The following JAK1 variants were observed in gnomAD, a reference collection of about 807,000 sequenced individuals.
The protein encoded by JAK1 is tyrosine-protein kinase JAK1.
JAK1 carries 16 observed loss-of-function variants against 136.6 expected under a neutral mutation model. That is an observed-to-expected ratio of 0.12 (90% CI 0.08 to 0.18). The LOEUF (loss-of-function observed/expected upper bound fraction) is 0.18. Among genes scored for constraint, JAK1 ranks in the 10% least tolerant of loss-of-function variants. JAK1 has a pLI of 1.00. For missense variants in JAK1, 859 were observed against 1,450.1 expected, an observed-to-expected ratio of 0.59 and a Z score of 6.62; for synonymous variants, 492 against 519.5, an observed-to-expected ratio of 0.95 and a Z score of 0.72.
intron 1 of JAK1, among the ~76,000 whole-genome samples, chr1:64,951,711 T>C (rs956957468): frequency 3.0e-5 from 4 of 132,406 alleles, no homozygotes; most frequent in Non-Finnish European, 6.2e-5. Context: ...CAGGCTGGAG[T>C]GCAGTGGCTC....
intron 2 of JAK1, chr1:64,990,162 G>C (rs1343159200): frequency 6.6e-6 from 1 of 152,078 alleles, no homozygotes; most frequent in Non-Finnish European, 1.5e-5. Flanking sequence ...ACAAAATTTA[G>C]CTGGGTGTGG....
chr1:64,963,135 T>C (rs1400058382), intron 1 of JAK1, among the ~76,000 whole-genome samples: 1 of 152,130 alleles, frequency 6.6e-6, no homozygotes, highest in African/African-American at 2.4e-5. Flanking sequence ...TAATGTAATT[T>C]ACCTTTACAT....
intron 2 of JAK1, chr1:65,022,930 G>A (rs1569895862): frequency 2.0e-5 from 3 of 152,156 alleles, no homozygotes; most frequent in Non-Finnish European, 4.4e-5. Flanking sequence ...TATAAATTCA[G>A]TGGATGCTTT....
intron 1 of JAK1, among the ~76,000 whole-genome samples, chr1:64,913,733 GAGGA>G (rs1282870668): frequency 3.0e-5 from 4 of 132,856 alleles, no homozygotes; most frequent in Non-Finnish European, 3.2e-5. Flanking sequence ...GGGAGGGAGG[GAGGA>G]ATTGAAAGGA....
intron 1 of JAK1, among the ~76,000 whole-genome samples, chr1:65,064,345 C>G (rs2100899567): frequency 1.3e-5 from 2 of 152,316 alleles, no homozygotes; most frequent in Middle Eastern, 6.8e-3. Context: ...GTCTCTGTCA[C>G]CTGGATTCTT....
chr1:64,939,002 G>A (rs1320997933), intron 1 of JAK1, among the ~76,000 whole-genome samples: 1 of 152,074 alleles, frequency 6.6e-6, no homozygotes, highest in Admixed American at 6.6e-5. Flanking sequence ...TTGAGACAGG[G>A]TCTCACTTTG....
intron 1 of JAK1, among the ~76,000 whole-genome samples, chr1:64,888,781 TAAACTCTTCGAGAA>T (rs2082269019): frequency 6.6e-6 from 1 of 152,204 alleles, no homozygotes; most frequent in Admixed American, 6.5e-5. Flanking sequence ...GCCTAGAGAT[TAAACTCTTCGAGAA>T]AACAAGAACA....
chr1:65,018,786 A>G (rs913514266), intron 2 of JAK1, among the ~76,000 whole-genome samples: 3 of 152,150 alleles, frequency 2.0e-5, no homozygotes, highest in Non-Finnish European at 4.4e-5. Flanking sequence ...CGAGGCGGGC[A>G]GATCACGAGG....
intron 2 of JAK1, among the ~76,000 whole-genome samples, chr1:65,020,328 C>G (rs978338206): frequency 1.3e-5 from 2 of 152,060 alleles, no homozygotes; most frequent in African/African-American, 4.8e-5. Flanking sequence ...TCAGCAACAG[C>G]CTATGAGAAC....
intron 22 of JAK1, 38 bp from the exon 23 acceptor site, chr1:64,836,253 G>T (rs371876987): frequency 1.7e-6 from 2 of 1,176,750 alleles, no homozygotes; most frequent in Admixed American, 3.4e-5. Flanking sequence ...CATTTCCTGG[G>T]AGGCACACTC....
intron 2 of JAK1, among the ~76,000 whole-genome samples, chr1:64,885,184 T>A (rs1179479705): frequency 1.3e-5 from 2 of 152,134 alleles, no homozygotes; most frequent in Non-Finnish European, 2.9e-5. Context: ...CCTGAAACAG[T>A]TAGTTCATAA....
At chr1:64,850,716 C>A (rs1570633974) in intron 12 of JAK1, 88 bp downstream of exon 12, 2 of 855,992 alleles carry the variant, frequency 2.3e-6, no homozygotes, top group Non-Finnish European at 2.0e-6. Context: ...TTTCCCCAAA[C>A]ACAGCCTTCC....
chr1:64,993,854 C>T (rs185012996), intron 2 of JAK1, among the ~76,000 whole-genome samples: 1 of 152,124 alleles, frequency 6.6e-6, no homozygotes, highest in East Asian at 1.9e-4. Flanking sequence ...GCCATGTTGG[C>T]CAGGCTGGTC....
intron 1 of JAK1, among the ~76,000 whole-genome samples, chr1:64,933,576 C>T (rs1374263881): frequency 6.6e-6 from 1 of 152,216 alleles, no homozygotes; most frequent in Non-Finnish European, 1.5e-5. Flanking sequence ...CAATCTCTGC[C>T]ATGGGCTGAC....
chr1:64,856,821 T>G (rs1300610262), intron 10 of JAK1, among the ~76,000 whole-genome samples: 1 of 150,488 alleles, frequency 6.6e-6, no homozygotes, highest in African/African-American at 2.5e-5. Flanking sequence ...CTCCCACTCT[T>G]GACTGAGTCC....
chr1:65,063,588 G>A (rs551225379), intron 1 of JAK1, among the ~76,000 whole-genome samples: 2 of 152,226 alleles, frequency 1.3e-5, no homozygotes, highest in East Asian at 1.9e-4. Context: ...TGGATCACCC[G>A]AGCTTAGGAG....
intron 19 of JAK1, 106 bp from the exon 20 acceptor site, chr1:64,839,901 CTCGCTGTCTGGCCT>C: frequency 1.1e-6 from 1 of 918,146 alleles, no homozygotes; most frequent in South Asian, 1.8e-5. Context: ...GCCAGGGGTT[CTCGCTGTCTGGCCT>C]TGCAGGCAGA....
chr1:64,967,752 C>T (rs1646410333), upstream of JAK1, among the ~76,000 whole-genome samples: 2 of 152,182 alleles, frequency 1.3e-5, no homozygotes, highest in African/African-American at 2.4e-5. Context: ...TCTTAGTTGA[C>T]TCAATTCTCA....
At chr1:64,845,779 G>C in intron 14 of JAK1, 139 bp from the exon 15 acceptor site, 1 of 1,031,340 alleles carries the variant, frequency 9.7e-7, no homozygotes, top group Non-Finnish European at 1.5e-6. Context: ...CAATGGTGCA[G>C]GGGCTTCAGA....
Sources: gnomAD v4.1 joint callset for allele counts (sites outside exome capture counted in the v4.1 genomes callset) on GRCh38, gnomAD v4.1.1 for gene constraint, MANE v1.5 for transcripts, NCBI Gene and HGNC (gene_info 2026-07-23, HGNC 2026-07-21) for gene names.